The following DNAH11 variants were observed in gnomAD, a reference collection of about 807,000 sequenced individuals.
DNAH11 encodes the protein axonemal beta dynein heavy chain 11.
Under a neutral mutation model 526.0 loss-of-function variants are expected in DNAH11, and 442 were observed. That is an observed-to-expected ratio of 0.84 (90% CI 0.78 to 0.91). The LOEUF is 0.91. Ranked by LOEUF, DNAH11 falls within the 40% of genes least tolerant of loss-of-function variation. The pLI is 0.00. For synonymous variants in DNAH11, 2,461 were observed against 1,935.9 expected, an observed-to-expected ratio of 1.27 and a Z score of -7.12; for missense variants, 6,989 against 5,448.7, an observed-to-expected ratio of 1.28 and a Z score of -8.90.
chr7:21,807,294 T>G (rs974205068), intron 62 of DNAH11, among the ~76,000 whole-genome samples: 4 of 151,944 alleles, frequency 2.6e-5, no homozygotes, highest in Non-Finnish European at 4.4e-5. Flanking sequence ...AGCTCATGAG[T>G]TTGAGACCAG....
chr7:21,739,029 G>C (rs754296582), intron 47 of DNAH11, among the ~76,000 whole-genome samples, 163 bp downstream of exon 47: 2 of 152,108 alleles, frequency 1.3e-5, no homozygotes, highest in Non-Finnish European at 2.9e-5. Flanking sequence ...TATCTTTTGG[G>C]TTTGCTTTGT....
chr7:21,553,070 A>AT (rs35121910), intron 2 of DNAH11, among the ~76,000 whole-genome samples: 1,596 of 66,794 alleles, frequency 0.024, 74 homozygotes, highest in African/African-American at 0.05. Context: ...TATAAATGGG[A>AT]TTTTTTTTTT....
chr7:21,626,443 A>G (rs777954107), intron 25 of DNAH11, among the ~76,000 whole-genome samples: 4 of 152,144 alleles, frequency 2.6e-5, no homozygotes, highest in Non-Finnish European at 5.9e-5. Flanking sequence ...TGTTTTCAAC[A>G]TACTGATTTT....
chr7:21,803,335 A>G (rs567048727), intron 62 of DNAH11, among the ~76,000 whole-genome samples: 28 of 152,268 alleles, frequency 1.8e-4, no homozygotes, highest in Non-Finnish European at 3.2e-4. Flanking sequence ...GTGATCAGCC[A>G]CCTAGGCTCT....
intron 46 of DNAH11, 126 bp downstream of exon 46, chr7:21,735,970 T>A: frequency 1.1e-6 from 1 of 901,088 alleles, no homozygotes; most frequent in Non-Finnish European, 1.6e-6. Flanking sequence ...CTTAGATGAA[T>A]TTGTACTTAT....
At chr7:21,876,674 T>C (rs1489178896) in intron 74 of DNAH11, among the ~76,000 whole-genome samples, 1 of 152,226 alleles carries the variant, frequency 6.6e-6, no homozygotes, top group African/African-American at 2.4e-5. Flanking sequence ...TAGAATGGGC[T>C]TTTCACGGTC....
chr7:21,563,407 C>G (rs956408051), intron 5 of DNAH11, among the ~76,000 whole-genome samples: 1 of 152,026 alleles, frequency 6.6e-6, no homozygotes, highest in Non-Finnish European at 1.5e-5. Context: ...TGGGGTCTTG[C>G]TATCTTTCCC....
Position 21,601,196 on chromosome 7 carries a change from G to T in DNAH11, c.3425+17G>T. On this transcript the variant is annotated intron_variant, in intron 17 of 81. Coordinates refer to ENST00000409508, the MANE Select transcript of DNAH11 (RefSeq NM_001277115.2). ...CATTGACAGGTAGCCTTTTACTTTG[G>T]TTTTTGGAATTATAACTTTCTAAAC... 1 of 1,578,298 alleles carries T rather than the reference G, an allele frequency of 6.3e-7. No homozygotes were observed. Among genetic ancestry groups the T allele is most frequent in the Non-Finnish European group, 8.6e-7 (1 of 1,168,428 alleles).
At chr7:21,868,304 T>C (rs547012492) in intron 72 of DNAH11, among the ~76,000 whole-genome samples, 18 of 152,188 alleles carry the variant, frequency 1.2e-4, no homozygotes, top group African/African-American at 4.1e-4. Context: ...TTGTGCCCCC[T>C]GTGACTAAAT....
intron 9 of DNAH11, among the ~76,000 whole-genome samples, chr7:21,586,676 C>G (rs144931441): frequency 6.6e-6 from 1 of 152,250 alleles, no homozygotes; most frequent in African/African-American, 2.4e-5. Context: ...AGAAAAAGAA[C>G]AAAGCCCCCT....
chr7:21,630,217 C>G (rs928417666), intron 25 of DNAH11, among the ~76,000 whole-genome samples: 4 of 151,878 alleles, frequency 2.6e-5, no homozygotes, highest in Non-Finnish European at 5.9e-5. Context: ...TCCTTCCCCC[C>G]ACCCCACATT....
intron 44 of DNAH11, among the ~76,000 whole-genome samples, chr7:21,723,178 A>G (rs1784949000): frequency 6.6e-6 from 1 of 152,256 alleles, no homozygotes; most frequent in South Asian, 2.1e-4. Context: ...AGCTTAACAA[A>G]TTGAGTGTCT....
chr7:21,861,881 T>A lies in DNAH11; in HGVS notation c.11231T>A (p.Ile3744Asn). The A allele has an allele frequency of 6.2e-7, 1 of 1,613,484 alleles. No individual in the cohort carries two copies. The highest frequency in any genetic ancestry group is 2.2e-5 in the East Asian group (1 of 44,836). Residue 3744 changes from isoleucine (I) to asparagine (N), a missense_variant, in exon 69 of 82, where the codon ATC becomes AAC. Transcript: ENST00000409508. The part of the protein sequence containing the change: ...KAFNVLFHRA[I>N]EQADKVEDMQ... ...TTTAACGTGCTGTTCCACAGAGCGA[T>A]CGAGCAGGCTGACAAGGTGGAAGAC... is the stretch of plus-strand genomic sequence containing the variant.
At chr7:21,813,329 TATTA>T (rs1159182925) in intron 63 of DNAH11, among the ~76,000 whole-genome samples, 1 of 152,206 alleles carries the variant, frequency 6.6e-6, no homozygotes, top group East Asian at 1.9e-4. Flanking sequence ...AGTTATTAGT[TATTA>T]ATTAGTTATT....
chr7:21,601,422 A>G lies in DNAH11; in HGVS notation c.3452A>G (p.Lys1151Arg). The G allele has an allele frequency of 6.2e-7, 1 of 1,613,136 alleles. No homozygotes were observed. The highest frequency in any genetic ancestry group is 1.3e-5 in the African/African-American group (1 of 75,050). The change falls in exon 18 of 82, where the codon AAG becomes AGG. Residue 1151 changes from lysine to arginine, a missense_variant. Lys to Arg is a conservative substitution (Grantham distance 26). Transcript: ENST00000409508. ...DSLNELQEFI[K>R]ETDSGLQREL... Reference sequence around the variant, plus strand: ...CTGAATGAGCTACAAGAATTTATAAAGGAGACAGATTCCGGACTTCAGAGA... The same window carrying G: ...CTGAATGAGCTACAAGAATTTATAAGGGAGACAGATTCCGGACTTCAGAGA...
chr7:21,873,649 T>A, intron 74 of DNAH11, 148 bp downstream of exon 74: 1 of 735,094 alleles, frequency 1.4e-6, no homozygotes, highest in Non-Finnish European at 2.3e-6. Context: ...GGGCGTGTTT[T>A]AATCTCTTGA....
At chr7:21,807,834 T>A (rs755401323) in intron 62 of DNAH11, 49 bp from the exon 63 acceptor site, 1 of 1,546,372 alleles carries the variant, frequency 6.5e-7, no homozygotes, top group South Asian at 1.2e-5. Flanking sequence ...ATTTGTGGAG[T>A]TGACATTCAG....
chr7:21,853,376 G>A (rs773776579), intron 67 of DNAH11, among the ~76,000 whole-genome samples: 7 of 152,190 alleles, frequency 4.6e-5, no homozygotes, highest in Non-Finnish European at 7.3e-5. Flanking sequence ...TAAATTAAGC[G>A]AGGAAATGGA....
chr7:21,839,568 C>G (rs1474920388), intron 65 of DNAH11, among the ~76,000 whole-genome samples: 1 of 145,766 alleles, frequency 6.9e-6, no homozygotes, highest in Non-Finnish European at 1.5e-5. Flanking sequence ...GAGTGAGACT[C>G]CGTTTCAAAA....
Sources: gnomAD v4.1 joint callset for allele counts (sites outside exome capture counted in the v4.1 genomes callset) on GRCh38, gnomAD v4.1.1 for gene constraint, MANE v1.5 for transcripts, NCBI Gene and HGNC (gene_info 2026-07-23, HGNC 2026-07-21) for gene names.